DSG4: variants seen among roughly 807,000 people sequenced by gnomAD.
DSG4 encodes the protein desmoglein 4.
A neutral mutation model predicts 93.1 loss-of-function variants in DSG4; 87 were observed. The observed-to-expected ratio is 0.93, with a 90% CI of 0.79 to 1.12. DSG4 has a LOEUF of 1.12. Ranked by LOEUF, DSG4 falls within the 50% of genes most tolerant of loss-of-function variation. DSG4 has a pLI of 0.00. For synonymous variants in DSG4, 432 were observed against 452.9 expected, an observed-to-expected ratio of 0.95 and a Z score of 0.59; for missense variants, 1,373 against 1,285.7, an observed-to-expected ratio of 1.07 and a Z score of -1.04.
intron 1 of DSG4, among the ~76,000 whole-genome samples, chr18:31,380,111 A>T (rs540221363): frequency 1.3e-5 from 2 of 152,208 alleles, no homozygotes; most frequent in East Asian, 3.9e-4. Flanking sequence ...AACCTCATAT[A>T]AAAAAAGCTT....
Position 31,406,331 on chromosome 18 carries a change from G to C in DSG4, c.1891G>C (p.Ala631Pro), listed in dbSNP as rs755874001. The C allele has an allele frequency of 1.1e-5, 17 of 1,614,212 alleles. 1 individual carries two copies. The South Asian group carries it at 1.8e-4, about 17-fold the overall frequency. The part of the protein sequence containing the change: ...AGVSNVGLGP[A>P]GIGMMVLGIL... ...AGTTTCAAATGTTGGTCTTGGACCA[G>C]CAGGGATTGGCATGATGGTTCTGGG... The change falls in exon 12 of 16, where the codon GCA becomes CCA. Residue 631 changes from alanine to proline, a missense_variant. Physicochemically the swap from Ala to Pro is conservative, Grantham distance 27. Transcript: ENST00000308128.
Position 31,376,798 on chromosome 18 carries a change from C to G in DSG4, c.-114C>G, listed in dbSNP as rs1427514038. 2 of 1,109,784 alleles carry G rather than the reference C, an allele frequency of 1.8e-6. No individual in the cohort carries two copies. Among genetic ancestry groups the G allele is most frequent in the Non-Finnish European group, 2.7e-6 (2 of 731,806 alleles). 68.7% of individuals were successfully genotyped at this position (1,109,784 alleles called of 1,614,324 possible). Reference sequence around the variant, plus strand: ...AGATCACCACAGTTATCACCCATGCCCTCCTAAAAGGGTGTCTCAAAGCAT... The same window carrying G: ...AGATCACCACAGTTATCACCCATGCGCTCCTAAAAGGGTGTCTCAAAGCAT... On this transcript the variant is annotated 5_prime_UTR_variant, in exon 1 of 16. Coordinates refer to ENST00000308128, the MANE Select transcript of DSG4 (RefSeq NM_177986.5).
rs113537665 is a variant in DSG4, at chr18:31,379,320, G to A, written c.48+2361G>A. ...GTATGGTTAGACATGATGTTATTAAGTTGCTTCCACTGTAGAAACTGCAAT... is the reference window on the plus strand; with the variant it reads ...GTATGGTTAGACATGATGTTATTAAATTGCTTCCACTGTAGAAACTGCAAT... On this transcript the variant is annotated intron_variant, in intron 1 of 15. Transcript: ENST00000308128. Among the ~76,000 whole-genome samples, 113 of 152,260 alleles carry A rather than the reference G, an allele frequency of 7.4e-4. 1 individual carries two copies. Among genetic ancestry groups the A allele is most frequent in the African/African-American group, 2.6e-3 (108 of 41,564 alleles).
intron 14 of DSG4, among the ~76,000 whole-genome samples, 193 bp downstream of exon 14, chr18:31,410,001 A>G (rs2072468808): frequency 6.6e-6 from 1 of 152,206 alleles, no homozygotes; most frequent in Admixed American, 6.5e-5. Context: ...GAAGTATGAC[A>G]CAGCAGTTAA....
chr18:31,407,865 T>C (rs1194637173), intron 12 of DSG4, among the ~76,000 whole-genome samples: 2 of 152,146 alleles, frequency 1.3e-5, no homozygotes, highest in Non-Finnish European at 2.9e-5. Context: ...TTAAAGGTCT[T>C]CCAAAATTAC....
chr18:31,411,019 C>T (rs1023871946), intron 14 of DSG4: 3 of 1,413,338 alleles, frequency 2.1e-6, no homozygotes, highest in Admixed American at 4.5e-5. Flanking sequence ...GGCCACGTCC[C>T]ACCACTGACT....
Position 31,385,152 on chromosome 18 carries a change from A to T in DSG4, c.65A>T (p.Asn22Ile). The change falls in exon 2 of 16, where the codon AAC (asparagine) becomes ATC (isoleucine). Residue 22 changes from asparagine to isoleucine, a missense_variant. Physicochemically the swap from Asn to Ile is moderately radical, Grantham distance 149 (BLOSUM62 -3). Transcript: ENST00000308128. ...LIILMVVMEVNSEFIVEVKEF... is the reference protein window; with the variant it reads ...LIILMVVMEVISEFIVEVKEF... Reference sequence around the variant, plus strand: ...TCAAAACAGGTGGTGATGGAAGTAAACAGTGAATTTATTGTTGAGGTAATG... The same window carrying T: ...TCAAAACAGGTGGTGATGGAAGTAATCAGTGAATTTATTGTTGAGGTAATG... The T allele has an allele frequency of 2.5e-6, 4 of 1,599,212 alleles. No individual in the cohort carries two copies. The highest frequency in any genetic ancestry group is 3.4e-6 in the Non-Finnish European group (4 of 1,170,820).
chr18:31,381,809 C>T (rs1251804262), intron 1 of DSG4, among the ~76,000 whole-genome samples: 3 of 151,290 alleles, frequency 2.0e-5, no homozygotes, highest in African/African-American at 7.3e-5. Flanking sequence ...TACAGGCACC[C>T]GCCACCACGC....
rs754093240 is a variant in DSG4 at position 31,399,278 on chromosome 18, G to A, written c.1012G>A (p.Asp338Asn). The A allele has an allele frequency of 8.7e-6, 14 of 1,613,876 alleles. 1 individual carries two copies. The Middle Eastern group carries it at 1.7e-3, about 190-fold the overall frequency. ...EGILKVVKML[D>N]YEQAPNIQLS... is the part of the protein sequence containing the mutation. ...TTATTTTCTTTCATTTCAGATGCTG[G>A]ATTATGAACAAGCACCTAACATTCA... Residue 338 changes from aspartate to asparagine, a missense_variant, in exon 9 of 16, where the codon GAT (aspartate) becomes AAT (asparagine). By Grantham distance (23) the Asp-to-Asn change is conservative (BLOSUM62 1). Coordinates refer to ENST00000308128, the MANE Select transcript of DSG4 (RefSeq NM_177986.5).
intron 12 of DSG4, among the ~76,000 whole-genome samples, chr18:31,407,753 T>C (rs1365883610): frequency 6.6e-6 from 1 of 152,232 alleles, no homozygotes; most frequent in Non-Finnish European, 1.5e-5. Context: ...CACAATGATA[T>C]TAGACACATT....
chr18:31,397,320 G>A (rs1467682380), intron 8 of DSG4, among the ~76,000 whole-genome samples: 4 of 152,090 alleles, frequency 2.6e-5, no homozygotes, highest in Non-Finnish European at 5.9e-5. Flanking sequence ...TGTGTACCTT[G>A]TTAAGTGGTT....
In DSG4 at chr18:31,412,863, A is replaced by C. The variant is rs112653254; in HGVS notation, c.2391A>C (p.Arg797=). The change falls in exon 16 of 16, where the codon CGA becomes CGC. Residue 797 remains arginine, a synonymous_variant. Coordinates refer to ENST00000308128, the MANE Select transcript of DSG4 (RefSeq NM_177986.5). ...CTTATGCAGATGAAGATGAAGGTCG[A>C]CCAGCCAATGACTGCTTGCTCATTT... ...AYAYADEDEG[R]PANDCLLIYD... 3,974 of 1,614,198 alleles carry C rather than the reference A, an allele frequency of 2.5e-3. 81 individuals are homozygous for C. The African/African-American group carries it at 0.04, about 16-fold the overall frequency.
intron 2 of DSG4, among the ~76,000 whole-genome samples, chr18:31,386,329 T>G (rs896528511): frequency 6.6e-6 from 1 of 152,136 alleles, no homozygotes; most frequent in Non-Finnish European, 1.5e-5. Context: ...AGTCTGTAAA[T>G]TCTGGTGAAA....
intron 5 of DSG4, among the ~76,000 whole-genome samples, chr18:31,389,650 C>T (rs2072227299): frequency 6.6e-6 from 1 of 152,100 alleles, no homozygotes; most frequent in South Asian, 2.1e-4. Flanking sequence ...CCTTTGCCTT[C>T]TGACCTTGAT....
At chr18:31,392,046 A>C (rs939098105) in intron 7 of DSG4, 109 bp from the exon 8 acceptor site, 8 of 1,065,802 alleles carry the variant, frequency 7.5e-6, no homozygotes, top group Non-Finnish European at 1.1e-5. Flanking sequence ...AATGGTGCAA[A>C]AATCATCGAC....
intron 7 of DSG4, among the ~76,000 whole-genome samples, chr18:31,391,745 G>A (rs144517883): frequency 9.1e-4 from 138 of 151,988 alleles, no homozygotes; most frequent in African/African-American, 3.2e-3. Context: ...ATTGTCTATG[G>A]GGGCTTTGTG....
chr18:31,385,118 T>C lies in DSG4; in HGVS notation c.49-18T>C, dbSNP rs538745556. On this transcript the variant is annotated intron_variant, in intron 1 of 15. Transcript: ENST00000308128. ...ATTATGCAAATTTATGCTAATGTGG[T>C]ATCTTCTATCAAAACAGGTGGTGAT... The C allele has an allele frequency of 5.0e-6, 8 of 1,598,746 alleles. No individual in the cohort carries two copies. Among genetic ancestry groups the C allele is most frequent in the East Asian group, 4.5e-5 (2 of 44,584 alleles).
chr18:31,376,998 T>C, intron 1 of DSG4, 39 bp downstream of exon 1: 1 of 1,604,318 alleles, frequency 6.2e-7, no homozygotes, highest in Non-Finnish European at 8.5e-7. Flanking sequence ...AAATGCAGCC[T>C]CAAGGTCTTG....
intron 6 of DSG4, 41 bp downstream of exon 6, chr18:31,390,863 T>C: frequency 6.3e-7 from 1 of 1,597,842 alleles, no homozygotes; most frequent in Non-Finnish European, 8.5e-7. Context: ...AAAAATTCAA[T>C]TTTGAAAAGA....
Sources: allele counts gnomAD v4.1 joint callset (sites outside exome capture counted in the v4.1 genomes callset), GRCh38; gene constraint gnomAD v4.1.1; transcripts MANE v1.5; gene names NCBI Gene and HGNC (gene_info 2026-07-23, HGNC 2026-07-21).